Variants in NF1 observed in about 807,000 individuals in gnomAD.
NF1 encodes the protein neurofibromin 1, also known as neurofibromin.
In NF1, 122 loss-of-function variants were observed where a neutral mutation model predicts 325.7. The observed-to-expected ratio is 0.37, with a 90% CI of 0.32 to 0.44. The LOEUF is 0.44. NF1 is among the 20% of genes least tolerant of loss of function. The pLI is 1.00. For missense variants in NF1, 2,140 were observed against 3,415.4 expected (o/e 0.63, Z 9.31); for synonymous variants, 1,091 against 1,186.0 (o/e 0.92, Z 1.65).
chr17:31,270,644 C>T lies in NF1; in HGVS notation c.4835+5305C>T, dbSNP rs554193165. On this transcript the variant is annotated intron_variant, in intron 36 of 57. Coordinates refer to ENST00000358273, the MANE Select transcript of NF1 (RefSeq NM_001042492.3). ...ATTAAAACAAAACAAAACAAAAACC[C>T]CAAGTTACAAAGAAGAGTTTTCCTC... 4.6e-5 allele frequency among the ~76,000 whole-genome samples: 7 copies of T among 152,112 alleles called. No individual in the cohort carries two copies. In the East Asian group the frequency reaches 1.4e-3, roughly 29 times the overall value.
Position 31,230,868 on chromosome 17 carries a change from A to C in NF1, c.3140A>C (p.Asp1047Ala), listed in dbSNP as rs1555614631. 6.2e-7 allele frequency: 1 copy of C among 1,610,506 alleles called. No homozygotes were observed. Among genetic ancestry groups the C allele is most frequent in the Non-Finnish European group, 8.5e-7 (1 of 1,177,682 alleles). ...AATAAGATGGTAGAATACCTGACAG[A>C]CTGGGTTATGGGAACATCAAACCAA... ...FRNKMVEYLTDWVMGTSNQAA... is the reference protein window; with the variant it reads ...FRNKMVEYLTAWVMGTSNQAA... The change falls in exon 24 of 58, where the codon GAC becomes GCC. Residue 1047 changes from aspartate to alanine, a missense_variant. By Grantham distance (126) the Asp-to-Ala change is moderately radical (BLOSUM62 -2). Coordinates refer to ENST00000358273, the MANE Select transcript of NF1 (RefSeq NM_001042492.3).
intron 36 of NF1, among the ~76,000 whole-genome samples, chr17:31,309,560 T>C (rs2068814537): frequency 6.6e-6 from 1 of 152,210 alleles, no homozygotes; most frequent in African/African-American, 2.4e-5. Context: ...AACTTCATTT[T>C]AAAAATCTGT....
chr17:31,167,801 G>A (rs889219618), intron 4 of NF1, among the ~76,000 whole-genome samples: 5 of 152,132 alleles, frequency 3.3e-5, no homozygotes, highest in Non-Finnish European at 7.4e-5. Flanking sequence ...TATTTGTTAA[G>A]TGTTAAATGT....
At chr17:31,259,872 T>C (rs2067653536) in intron 33 of NF1, among the ~76,000 whole-genome samples, 1 of 152,226 alleles carries the variant, frequency 6.6e-6, no homozygotes, top group African/African-American at 2.4e-5. Flanking sequence ...ATTGTAGTTG[T>C]TACTGACTTT....
chr17:31,284,287 T>C (rs2068181014), intron 36 of NF1, among the ~76,000 whole-genome samples: 1 of 151,796 alleles, frequency 6.6e-6, no homozygotes. Flanking sequence ...TTGTTTTGTT[T>C]TTTCTTTTTT....
At chr17:31,205,873 G>C (rs577643976) in intron 11 of NF1, among the ~76,000 whole-genome samples, 125 of 151,386 alleles carry the variant, frequency 8.3e-4, no homozygotes, top group African/African-American at 2.7e-3. Flanking sequence ...ATGTATGCAC[G>C]TGTGCCAGAA....
At chr17:31,252,066 G>A (rs914862992) in intron 30 of NF1, 5 of 213,028 alleles carry the variant, frequency 2.3e-5, no homozygotes, top group Non-Finnish European at 4.7e-5. Flanking sequence ...TCTAGAAAGA[G>A]CTCTGAGAGA....
chr17:31,161,283 A>G lies in NF1; in HGVS notation c.289-1903A>G, dbSNP rs17878689. Among the ~76,000 whole-genome samples, 111 of 152,362 alleles carry G rather than the reference A, an allele frequency of 7.3e-4. No homozygotes were observed. The East Asian group carries it at 0.018, about 25-fold the overall frequency. On this transcript the variant is annotated intron_variant, in intron 3 of 57. Transcript: ENST00000358273. ...AACATCTGTATTGTTTGGTTAGCCT[A>G]TAAACAAGAAATAGGCATTGTAATG...
rs2151561986 is a variant in NF1 at position 31,340,633 on chromosome 17, A to T, written c.7050A>T (p.Ile2350=). ...QNLHTLDSLR[I]FNDKSPEEVF... ...TGCATACTTTAGATAGTCTCCGTAT[A>T]TTCAATGACAAGGTAAGCAAACTTT... is the stretch of plus-strand genomic sequence containing the variant. The change falls in exon 47 of 58, where the codon ATA becomes ATT. Residue 2350 remains isoleucine, a synonymous_variant. Coordinates refer to ENST00000358273, the MANE Select transcript of NF1 (RefSeq NM_001042492.3). 1 of 1,614,156 alleles carries T rather than the reference A, an allele frequency of 6.2e-7. No individual in the cohort carries two copies. Among genetic ancestry groups the T allele is most frequent in the Non-Finnish European group, 8.5e-7 (1 of 1,179,996 alleles).
intron 1 of NF1, among the ~76,000 whole-genome samples, chr17:31,105,018 C>T (rs1245327731): frequency 1.3e-5 from 2 of 152,150 alleles, no homozygotes; most frequent in Non-Finnish European, 2.9e-5. Context: ...GATCTCCCAC[C>T]TCCCGAATAT....
intron 57 of NF1, among the ~76,000 whole-genome samples, chr17:31,366,888 A>G (rs970031069): frequency 7.2e-5 from 11 of 152,028 alleles, no homozygotes; most frequent in South Asian, 2.1e-4. Context: ...TTATTATCCT[A>G]TGTTTAAGGG....
chr17:31,288,674 T>C (rs1401882083), intron 36 of NF1, among the ~76,000 whole-genome samples: 10 of 151,870 alleles, frequency 6.6e-5, no homozygotes, highest in Admixed American at 2.0e-4. Context: ...GTAGCTAGGA[T>C]AATAGGTGCC....
At chr17:31,218,087 T>C (rs17880355) in intron 13 of NF1, among the ~76,000 whole-genome samples, 2,755 of 152,300 alleles carry the variant, frequency 0.018, 86 homozygotes, top group African/African-American at 0.063. Flanking sequence ...TTACCAGCTG[T>C]GTGGATTTGG....
intron 5 of NF1, among the ~76,000 whole-genome samples, chr17:31,175,190 C>T (rs931960696): frequency 6.9e-6 from 1 of 145,762 alleles, no homozygotes; most frequent in African/African-American, 2.5e-5. Flanking sequence ...AGGTTTGATA[C>T]AGCTTATATG....
At chr17:31,129,960 C>T (rs1004178957) in intron 1 of NF1, among the ~76,000 whole-genome samples, 1 of 152,016 alleles carries the variant, frequency 6.6e-6, no homozygotes, top group Non-Finnish European at 1.5e-5. Flanking sequence ...AGAGCTAGTG[C>T]AGTCGTTTGT....
chr17:31,260,068 G>A (rs533642769), intron 33 of NF1, among the ~76,000 whole-genome samples: 27 of 152,274 alleles, frequency 1.8e-4, no homozygotes, highest in African/African-American at 5.5e-4. Context: ...GAGGTCTTTC[G>A]TCTGGACCTT....
chr17:31,265,451 G>A, intron 36 of NF1, 112 bp downstream of exon 36: 1 of 766,054 alleles, frequency 1.3e-6, no homozygotes, highest in South Asian at 1.5e-5. Flanking sequence ...TTGAAGACAA[G>A]TTTACTTGGG....
rs988805841 is a variant in NF1, at chr17:31,235,512, G to T, written c.3709-99G>T. 32 of 1,245,642 alleles carry T rather than the reference G, an allele frequency of 2.6e-5. No homozygotes were observed. The Admixed American group carries it at 4.2e-4, about 16-fold the overall frequency. 77.2% of individuals were successfully genotyped at this position (1,245,642 alleles called of 1,614,324 possible). ...ATCATTTGCCTTAATTTAGCAAGTGGTTGTCAACTTTGGGTTTACATTTTT... is the reference window on the plus strand; with the variant it reads ...ATCATTTGCCTTAATTTAGCAAGTGTTTGTCAACTTTGGGTTTACATTTTT... On this transcript the variant is annotated intron_variant, in intron 27 of 57. Coordinates refer to ENST00000358273, the MANE Select transcript of NF1 (RefSeq NM_001042492.3).
At chr17:31,293,581 A>C (rs2068396879) in intron 36 of NF1, among the ~76,000 whole-genome samples, 1 of 152,306 alleles carries the variant, frequency 6.6e-6, no homozygotes, top group South Asian at 2.1e-4. Flanking sequence ...AAAAAAGAAC[A>C]CATTAGAGTG....
Sources: allele counts gnomAD v4.1 joint callset (sites outside exome capture counted in the v4.1 genomes callset), GRCh38; gene constraint gnomAD v4.1.1; transcripts MANE v1.5; gene names NCBI Gene and HGNC (gene_info 2026-07-23, HGNC 2026-07-21).